The following SMIM14 variants were observed in gnomAD, a reference collection of about 807,000 sequenced individuals.
SMIM14 encodes the protein small integral membrane protein 14, also known as chromosome 4 open reading frame 34.
SMIM14 carries 5 observed loss-of-function variants against 12.6 expected under a neutral mutation model. The ratio of observed to expected loss-of-function variants is 0.40; its 90% CI spans 0.21 to 0.83. SMIM14 has a LOEUF of 0.83. Ranked by LOEUF, SMIM14 falls within the 40% of genes least tolerant of loss-of-function variation. The pLI is 0.37. For synonymous variants in SMIM14, 30 were observed against 40.1 expected (o/e 0.75, Z 0.95); for missense variants, 86 against 119.1 (o/e 0.72, Z 1.29).
intron 2 of SMIM14, among the ~76,000 whole-genome samples, chr4:39,597,213 A>C (rs1350550907): frequency 6.7e-6 from 1 of 150,132 alleles, no homozygotes; most frequent in Non-Finnish European, 1.5e-5. Flanking sequence ...ATTGGCTTGC[A>C]TCCTACATGG....
At chr4:39,590,577 G>A (rs1446687711) in intron 2 of SMIM14, among the ~76,000 whole-genome samples, 6 of 152,052 alleles carry the variant, frequency 3.9e-5, no homozygotes, top group South Asian at 4.2e-4. Flanking sequence ...CAAGGTGGGC[G>A]GATCACCTAA....
At chr4:39,563,695 T>C (rs1712434762) in intron 3 of SMIM14, among the ~76,000 whole-genome samples, 1 of 152,186 alleles carries the variant, frequency 6.6e-6, no homozygotes, top group South Asian at 2.1e-4. Flanking sequence ...CTCCATTTCC[T>C]CCACCCACTT....
chr4:39,564,898 G>T (rs1712496440), intron 3 of SMIM14, among the ~76,000 whole-genome samples: 1 of 152,140 alleles, frequency 6.6e-6, no homozygotes, highest in Non-Finnish European at 1.5e-5. Context: ...GGGATTGGTG[G>T]TATAGTGAGG....
intron 1 of SMIM14, among the ~76,000 whole-genome samples, chr4:39,607,267 ATTGT>A (rs1337881755): frequency 6.6e-6 from 1 of 152,244 alleles, no homozygotes; most frequent in African/African-American, 2.4e-5. Flanking sequence ...TGCATAGTTT[ATTGT>A]TTATCAATTA....
At chr4:39,638,426 C>T in intron 1 of SMIM14, 1 of 979,496 alleles carries the variant, frequency 1.0e-6, no homozygotes, top group Non-Finnish European at 1.2e-6. Flanking sequence ...TGATACGCCT[C>T]CACCCGTCGA....
At chr4:39,630,736 C>A (rs765605335) in intron 1 of SMIM14, among the ~76,000 whole-genome samples, 3 of 151,712 alleles carry the variant, frequency 2.0e-5, no homozygotes. Flanking sequence ...GTGGTGGGTG[C>A]CTGTAGTCCC....
chr4:39,600,562 C>T (rs182276491), intron 2 of SMIM14, among the ~76,000 whole-genome samples: 1,706 of 152,126 alleles, frequency 0.011, 35 homozygotes, highest in African/African-American at 0.039. Flanking sequence ...TGGTGGCAGG[C>T]GCTTGTAATC....
chr4:39,582,447 T>G (rs1239915892), intron 2 of SMIM14, among the ~76,000 whole-genome samples: 1 of 150,996 alleles, frequency 6.6e-6, no homozygotes, highest in African/African-American at 2.5e-5. Context: ...GGTGGATCAC[T>G]TGAGGTCAGA....
At chr4:39,561,507 G>A (rs2109990947) in intron 3 of SMIM14, among the ~76,000 whole-genome samples, 1 of 152,280 alleles carries the variant, frequency 6.6e-6, no homozygotes, top group South Asian at 2.1e-4. Flanking sequence ...CAGTAGTCAT[G>A]CCCAGCCATG....
intron 2 of SMIM14, among the ~76,000 whole-genome samples, chr4:39,591,502 G>A (rs1714077573): frequency 6.6e-6 from 1 of 152,034 alleles, no homozygotes; most frequent in Non-Finnish European, 1.5e-5. Context: ...ACCCCAAAAC[G>A]GGCATTCTTT....
At chr4:39,600,188 C>T (rs921630646) in intron 2 of SMIM14, among the ~76,000 whole-genome samples, 1 of 152,022 alleles carries the variant, frequency 6.6e-6, no homozygotes, top group Non-Finnish European at 1.5e-5. Flanking sequence ...ACTTACCCTC[C>T]CTTTTATCCT....
chr4:39,624,816 G>GAA (rs539792739), intron 1 of SMIM14, among the ~76,000 whole-genome samples: 5,328 of 110,022 alleles, frequency 0.048, 413 homozygotes, highest in African/African-American at 0.17. Context: ...ACACCATCTC[G>GAA]AAAAAAAAAA....
intron 1 of SMIM14, among the ~76,000 whole-genome samples, chr4:39,626,600 C>G (rs976289954): frequency 5.3e-5 from 8 of 152,164 alleles, no homozygotes; most frequent in Admixed American, 6.5e-5. Flanking sequence ...ACAAAGGTAG[C>G]TTTTACCATC....
intron 3 of SMIM14, among the ~76,000 whole-genome samples, chr4:39,559,276 C>T (rs1712171092): frequency 6.6e-6 from 1 of 151,948 alleles, no homozygotes; most frequent in African/African-American, 2.4e-5. Flanking sequence ...GTAGTCCCAG[C>T]TACCCAGGAG....
intron 2 of SMIM14, chr4:39,589,808 C>T (rs1275388072): frequency 1.3e-5 from 2 of 152,008 alleles, no homozygotes; most frequent in East Asian, 3.9e-4. Context: ...TTTGGGAGGC[C>T]GAGGTGGATG....
intron 2 of SMIM14, among the ~76,000 whole-genome samples, chr4:39,576,788 G>A (rs980906217): frequency 1.5e-5 from 2 of 133,228 alleles, no homozygotes; most frequent in Non-Finnish European, 3.1e-5. Context: ...CTCAGCTCAT[G>A]GCAACCTCCG....
chr4:39,599,239 C>G (rs1052953650), intron 2 of SMIM14, among the ~76,000 whole-genome samples: 2 of 152,054 alleles, frequency 1.3e-5, no homozygotes, highest in African/African-American at 2.4e-5. Context: ...TTTCCAGGAA[C>G]AGCAAGGGGG....
intron 1 of SMIM14, among the ~76,000 whole-genome samples, chr4:39,636,229 G>T (rs889280049): frequency 6.7e-6 from 1 of 148,272 alleles, no homozygotes; most frequent in African/African-American, 2.5e-5. Flanking sequence ...AATCTTCCAG[G>T]ACCTTACTGC....
chr4:39,594,569 A>G (rs1258118844), intron 2 of SMIM14: 1 of 148,514 alleles, frequency 6.7e-6, no homozygotes, highest in African/African-American at 2.5e-5. Context: ...TAATTAAACT[A>G]AAGAGCTTCT....
Sources: allele counts gnomAD v4.1 joint callset (sites outside exome capture counted in the v4.1 genomes callset), GRCh38; gene constraint gnomAD v4.1.1; transcripts MANE v1.5; gene names NCBI Gene and HGNC (gene_info 2026-07-23, HGNC 2026-07-21).